Variants in RIMS1 observed in about 807,000 individuals in gnomAD.
The protein encoded by RIMS1 is regulating synaptic membrane exocytosis protein 1.
RIMS1 carries 83 observed loss-of-function variants against 214.1 expected under a neutral mutation model. That is an observed-to-expected ratio of 0.39 (90% confidence interval 0.32 to 0.47). RIMS1 has a LOEUF of 0.47. RIMS1 is among the 20% of genes least tolerant of loss of function. The probability of loss-of-function intolerance (pLI) is 0.99; values close to 1 mark genes in which losing one functional copy is unlikely to be tolerated. For missense variants in RIMS1, 2,050 were observed against 2,161.8 expected, an observed-to-expected ratio of 0.95 and a Z score of 1.03; for synonymous variants, 793 against 786.8, an observed-to-expected ratio of 1.01 and a Z score of -0.13.
chr6:72,354,269 C>A (rs2097558068), intron 29 of RIMS1, among the ~76,000 whole-genome samples: 1 of 152,134 alleles, frequency 6.6e-6, no homozygotes, highest in African/African-American at 2.4e-5. Flanking sequence ...GGCTTTGCGC[C>A]TACATATTCT....
intron 2 of RIMS1, among the ~76,000 whole-genome samples, chr6:72,057,492 C>G (rs1429086674): frequency 7.4e-6 from 1 of 135,204 alleles, no homozygotes; most frequent in Non-Finnish European, 1.6e-5. Flanking sequence ...AGTACACCTT[C>G]TTTTTCTTTT....
chr6:72,265,523 A>C lies in RIMS1; in HGVS notation c.3308+20A>C. ...GGTTAGGTAAGAACATTTGGAAGTG[A>C]TATCTTCCGTTTCCCTTGTTTATTG... is the stretch of plus-strand genomic sequence containing the variant. On this transcript the variant is annotated intron_variant, in intron 21 of 33. Coordinates refer to ENST00000521978, the MANE Select transcript of RIMS1 (RefSeq NM_014989.7). 7.3e-7 allele frequency: 1 copy of C among 1,376,572 alleles called. No homozygotes were observed. Among genetic ancestry groups the C allele is most frequent in the Non-Finnish European group, 1.0e-6 (1 of 970,756 alleles). The allele number at this position is 1,376,572 out of a possible 1,614,324, so 85.3% of individuals were successfully genotyped here.
intron 21 of RIMS1, 142 bp from the exon 22 acceptor site, chr6:72,265,818 C>T (rs539757929): frequency 4.7e-6 from 3 of 632,932 alleles, no homozygotes; most frequent in East Asian, 5.5e-5. Flanking sequence ...AACTCTCTCA[C>T]ACCCTTATGA....
chr6:72,267,697 T>TA (rs2081245268), intron 22 of RIMS1, among the ~76,000 whole-genome samples: 1 of 152,092 alleles, frequency 6.6e-6, no homozygotes, highest in South Asian at 2.1e-4. Flanking sequence ...GGTCTATTCT[T>TA]ATGGTGAGCC....
In RIMS1 at chr6:72,210,628, A is replaced by G. The variant is rs545527694; in HGVS notation, c.1679-23145A>G. 2.6e-5 allele frequency among the ~76,000 whole-genome samples: 4 copies of G among 152,288 alleles called. No individual in the cohort carries two copies. The South Asian group carries it at 8.3e-4, about 32-fold the overall frequency. On this transcript the variant is annotated intron_variant, in intron 6 of 33. Transcript: ENST00000521978. ...AGAACACAGCCTTGAACCAGATATT[A>G]AGTGAGAGTCCCCAAATTTAAGGAA...
At chr6:72,012,040 T>C (rs1314917180) in intron 2 of RIMS1, among the ~76,000 whole-genome samples, 1 of 152,202 alleles carries the variant, frequency 6.6e-6, no homozygotes, top group Non-Finnish European at 1.5e-5. Context: ...CATATGTTTA[T>C]TGCGGCACTA....
intron 2 of RIMS1, among the ~76,000 whole-genome samples, chr6:71,972,850 T>C (rs1406888236): frequency 6.6e-6 from 1 of 152,220 alleles, no homozygotes; most frequent in Non-Finnish European, 1.5e-5. Context: ...GAGAAAATGA[T>C]TTATTCTGTT....
chr6:71,999,908 T>G (rs2151712608), intron 2 of RIMS1, among the ~76,000 whole-genome samples: 1 of 152,288 alleles, frequency 6.6e-6, no homozygotes, highest in Admixed American at 6.5e-5. Flanking sequence ...TGTACTGTTC[T>G]GAAGAAGGAT....
chr6:72,281,505 A>G (rs2090094044), intron 23 of RIMS1, among the ~76,000 whole-genome samples: 1 of 152,118 alleles, frequency 6.6e-6, no homozygotes, highest in Admixed American at 6.6e-5. Context: ...CAGGGATCAG[A>G]AGAAAAGCAG....
Position 72,245,808 on chromosome 6 carries a change from CT to C in RIMS1, c.2082-3del. 1.9e-6 allele frequency: 3 copies of C among 1,606,860 alleles called. No homozygotes were observed. In the South Asian group the frequency reaches 3.3e-5, roughly 18 times the overall value. Reference sequence around the variant, plus strand: ...ATGGGATTTTCACCATATCCTGTTTCTTTTAGTGACATTCCCCGGATTCCTG... The same window carrying C: ...ATGGGATTTTCACCATATCCTGTTTCTTTAGTGACATTCCCCGGATTCCTG... On this transcript the variant is annotated splice_polypyrimidine_tract_variant and splice_region_variant and intron_variant, in intron 10 of 33. Transcript: ENST00000521978.
chr6:72,108,486 AT>A (rs2035254601), intron 4 of RIMS1, among the ~76,000 whole-genome samples: 1 of 151,992 alleles, frequency 6.6e-6, no homozygotes. Context: ...TTACTATTTC[AT>A]TTCTATTATC....
At chr6:72,023,925 A>G (rs1004702187) in intron 2 of RIMS1, among the ~76,000 whole-genome samples, 1 of 152,148 alleles carries the variant, frequency 6.6e-6, no homozygotes, top group Admixed American at 6.5e-5. Context: ...CTATACTGAA[A>G]ATTTTTTGTA....
intron 2 of RIMS1, among the ~76,000 whole-genome samples, chr6:72,032,649 A>G (rs1818454214): frequency 6.6e-6 from 1 of 152,214 alleles, no homozygotes; most frequent in Non-Finnish European, 1.5e-5. Flanking sequence ...TAAAAAATAA[A>G]ATGTGTAAAA....
At chr6:71,953,986 T>G (rs1790428239) in intron 1 of RIMS1, among the ~76,000 whole-genome samples, 1 of 152,210 alleles carries the variant, frequency 6.6e-6, no homozygotes, top group African/African-American at 2.4e-5. Flanking sequence ...AACATAGTGA[T>G]GGACAACTTC....
Position 72,313,357 on chromosome 6 carries a change from G to A in RIMS1, c.3964-149G>A, listed in dbSNP as rs2095604944. Reference sequence around the variant, plus strand: ...AATGTTTTTATATTGGAAATCATATGGTAGTATTTGGATTATTTTAGATAT... The same window carrying A: ...AATGTTTTTATATTGGAAATCATATAGTAGTATTTGGATTATTTTAGATAT... On this transcript the variant is annotated intron_variant, in intron 27 of 33. Coordinates refer to ENST00000521978, the MANE Select transcript of RIMS1 (RefSeq NM_014989.7). The A allele has an allele frequency of 6.9e-6, 4 of 582,614 alleles. No individual in the cohort carries two copies. The Admixed American group carries it at 1.2e-4, about 18-fold the overall frequency. The allele number at this position is 582,614 out of a possible 1,614,324, so 36.1% of individuals were successfully genotyped here.
chr6:72,313,682 C>T lies in RIMS1; in HGVS notation c.4130+10C>T. On this transcript the variant is annotated intron_variant, in intron 28 of 33. Transcript: ENST00000521978. ...CCAGGGGTAGAATCAGGTGAGTTGG[C>T]AATACTGTTTATATAAACTGGATCT... is the stretch of plus-strand genomic sequence containing the variant. 1 of 1,605,178 alleles carries T rather than the reference C, an allele frequency of 6.2e-7. No individual in the cohort carries two copies.
At chr6:72,289,081 C>G (rs1048341983) in intron 24 of RIMS1, among the ~76,000 whole-genome samples, 2 of 152,048 alleles carry the variant, frequency 1.3e-5, no homozygotes, top group African/African-American at 4.8e-5. Flanking sequence ...GAAAGTTCAC[C>G]GAAATTTTTT....
chr6:72,237,235 A>T, intron 8 of RIMS1, among the ~76,000 whole-genome samples: 1 of 151,682 alleles, frequency 6.6e-6, no homozygotes, highest in Non-Finnish European at 1.5e-5. Context: ...GAGAGAAAAA[A>T]AAAAGGAAGG....
At chr6:72,376,868 A>G (rs1362560706) in intron 29 of RIMS1, among the ~76,000 whole-genome samples, 2 of 152,206 alleles carry the variant, frequency 1.3e-5, no homozygotes, top group Non-Finnish European at 2.9e-5. Context: ...AAATTATGCA[A>G]CAGACTTGTT....
Sources: gnomAD v4.1 joint callset for allele counts (sites outside exome capture counted in the v4.1 genomes callset) on GRCh38, gnomAD v4.1.1 for gene constraint, MANE v1.5 for transcripts, NCBI Gene and HGNC (gene_info 2026-07-23, HGNC 2026-07-21) for gene names.